RGS20: variants seen among roughly 807,000 people sequenced by gnomAD.
The protein encoded by RGS20 is gz-selective GTPase-activating protein.
In RGS20, 30 loss-of-function variants were observed where a neutral mutation model predicts 33.6. That is an observed-to-expected ratio of 0.89 (90% CI 0.67 to 1.21). The LOEUF (loss-of-function observed/expected upper bound fraction) is 1.21. Among genes scored for constraint, RGS20 ranks in the 50% most tolerant of loss-of-function variants. RGS20 has a pLI of 0.00. For missense variants in RGS20, 472 were observed against 502.4 expected, an observed-to-expected ratio of 0.94 and a Z score of 0.58; for synonymous variants, 208 against 197.9, an observed-to-expected ratio of 1.05 and a Z score of -0.43.
At chr8:53,925,048 C>T (rs1813755404) in intron 2 of RGS20, among the ~76,000 whole-genome samples, 1 of 152,180 alleles carries the variant, frequency 6.6e-6, no homozygotes, top group African/African-American at 2.4e-5. Context: ...GTTGCCTCTG[C>T]CCATTACTTG....
chr8:53,915,076 C>T (rs941088682), intron 2 of RGS20, among the ~76,000 whole-genome samples: 5 of 150,880 alleles, frequency 3.3e-5, no homozygotes, highest in Non-Finnish European at 7.4e-5. Context: ...ACCTGGGAGG[C>T]GAGGTTGCAG....
intron 1 of RGS20, among the ~76,000 whole-genome samples, chr8:53,868,905 A>G (rs1422162969): frequency 6.6e-6 from 1 of 152,018 alleles, no homozygotes; most frequent in Non-Finnish European, 1.5e-5. Context: ...GGTACGCACC[A>G]CCACGCCTGG....
intron 2 of RGS20, among the ~76,000 whole-genome samples, chr8:53,916,774 G>C (rs1813495787): frequency 1.3e-5 from 2 of 152,122 alleles, no homozygotes; most frequent in African/African-American, 4.8e-5. Context: ...GACCAAATTT[G>C]TTTCTCACAG....
At chr8:53,863,795 C>T (rs548527205) in intron 1 of RGS20, among the ~76,000 whole-genome samples, 22 of 147,566 alleles carry the variant, frequency 1.5e-4, no homozygotes, top group East Asian at 8.0e-4. Context: ...GGCGCCAACT[C>T]GGCTCACTGC....
At chr8:53,905,188 T>C (rs1483537) in intron 2 of RGS20, among the ~76,000 whole-genome samples, 16,068 of 152,226 alleles carry the variant, frequency 0.11, 2,467 homozygotes, top group African/African-American at 0.34. Flanking sequence ...TCCAGTTGAC[T>C]TCCCCTACTA....
intron 2 of RGS20, among the ~76,000 whole-genome samples, chr8:53,927,456 C>T (rs555770029): frequency 6.6e-4 from 101 of 152,150 alleles, no homozygotes; most frequent in Non-Finnish European, 1.2e-3. Flanking sequence ...CCACCCGCCT[C>T]ATCCTCCTAA....
intron 2 of RGS20, among the ~76,000 whole-genome samples, chr8:53,890,346 A>G (rs1015792336): frequency 6.6e-6 from 1 of 152,114 alleles, no homozygotes; most frequent in Non-Finnish European, 1.5e-5. Flanking sequence ...GAAATTTCCC[A>G]TCTTTTCATC....
intron 2 of RGS20, among the ~76,000 whole-genome samples, chr8:53,889,619 C>CTG (rs1045836367): frequency 2.0e-5 from 3 of 151,326 alleles, no homozygotes; most frequent in Admixed American, 6.6e-5. Context: ...TCTTGAACTT[C>CTG]TGTTTGGCCC....
chr8:53,950,627 T>C (rs1814683498), intron 4 of RGS20, among the ~76,000 whole-genome samples: 1 of 152,084 alleles, frequency 6.6e-6, no homozygotes, highest in Non-Finnish European at 1.5e-5. Flanking sequence ...TTTGTTTTTT[T>C]TTTTTTAGAC....
intron 1 of RGS20, among the ~76,000 whole-genome samples, chr8:53,865,151 C>T (rs1484859192): frequency 6.6e-6 from 1 of 152,188 alleles, no homozygotes; most frequent in Non-Finnish European, 1.5e-5. Flanking sequence ...AAATTGTCCA[C>T]TTTGGAGAGA....
intron 2 of RGS20, among the ~76,000 whole-genome samples, chr8:53,900,815 A>C (rs924406058): frequency 1.3e-5 from 2 of 152,118 alleles, no homozygotes; most frequent in African/African-American, 4.8e-5. Context: ...TTCCTGGCCC[A>C]GTTCTCTGTT....
chr8:53,953,980 T>A, intron 4 of RGS20, 96 bp from the exon 4 acceptor site: 2 of 877,576 alleles, frequency 2.3e-6, no homozygotes, highest in Non-Finnish European at 3.9e-6. Flanking sequence ...ATATTTTTCA[T>A]TCTTGGAGGA....
At position 53,935,118 on chromosome 8, in the gene RGS20, G is replaced by C. The variant is rs571688877; in HGVS notation, c.511-4458G>C. 1.8e-4 allele frequency among the ~76,000 whole-genome samples: 27 copies of C among 152,284 alleles called. No individual in the cohort carries two copies. The South Asian group carries it at 3.9e-3, about 22-fold the overall frequency. ...TGGGACACAGCTAAAGCAGCGTTTA[G>C]AGGGAAATTTATAGCACTAAATGCC... On this transcript the variant is annotated intron_variant, in intron 2 of 5. Transcript: ENST00000297313.
At chr8:53,893,431 G>A (rs1358780747) in intron 2 of RGS20, among the ~76,000 whole-genome samples, 1 of 152,156 alleles carries the variant, frequency 6.6e-6, no homozygotes, top group Non-Finnish European at 1.5e-5. Context: ...GGGCCAGGAG[G>A]ACAGCACTGA....
chr8:53,888,656 G>A (rs948331958), intron 2 of RGS20, among the ~76,000 whole-genome samples: 2 of 151,970 alleles, frequency 1.3e-5, no homozygotes, highest in African/African-American at 2.4e-5. Context: ...CACTCACCAC[G>A]GCTCTAGATG....
At chr8:53,945,140 G>C (rs72614662) in intron 3 of RGS20, among the ~76,000 whole-genome samples, 10 of 152,126 alleles carry the variant, frequency 6.6e-5, no homozygotes, top group African/African-American at 2.4e-4. Context: ...ATGTTCGCAC[G>C]TACTTGCACA....
intron 2 of RGS20, among the ~76,000 whole-genome samples, chr8:53,937,525 T>C (rs577872292): frequency 6.6e-5 from 10 of 151,822 alleles, no homozygotes; most frequent in Middle Eastern, 3.2e-3. Flanking sequence ...AAGCAAAAAT[T>C]GACAAATGGG....
intron 1 of RGS20, among the ~76,000 whole-genome samples, chr8:53,874,326 T>A (rs1161866699): frequency 2.0e-5 from 3 of 151,970 alleles, no homozygotes; most frequent in Non-Finnish European, 4.4e-5. Context: ...GTGAAAGGTG[T>A]GCATTAGTCA....
At chr8:53,928,293 A>G (rs1168191373) in intron 2 of RGS20, among the ~76,000 whole-genome samples, 1 of 152,176 alleles carries the variant, frequency 6.6e-6, no homozygotes, top group Non-Finnish European at 1.5e-5. Context: ...GGTATAAATG[A>G]TCACTCCCAC....
Sources: allele counts gnomAD v4.1 joint callset (sites outside exome capture counted in the v4.1 genomes callset), GRCh38; gene constraint gnomAD v4.1.1; transcripts MANE v1.5; gene names NCBI Gene and HGNC (gene_info 2026-07-23, HGNC 2026-07-21).